The following PLBD1 variants were observed in gnomAD, a reference collection of about 807,000 sequenced individuals.
PLBD1 encodes the protein lysosomal leucine aminopeptidase.
A neutral mutation model predicts 63.0 loss-of-function variants in PLBD1; 60 were observed. The ratio of observed to expected loss-of-function variants is 0.95; its 90% CI spans 0.77 to 1.18. PLBD1 has a LOEUF of 1.18. Ranked by LOEUF, PLBD1 falls within the 50% of genes most tolerant of loss-of-function variation. The probability of loss-of-function intolerance (pLI) is 0.00; values close to 1 mark genes in which losing one functional copy is unlikely to be tolerated. For missense variants in PLBD1, 598 were observed against 677.9 expected (o/e 0.88, Z 1.31); for synonymous variants, 262 against 248.0 (o/e 1.06, Z -0.53).
intron 2 of PLBD1, among the ~76,000 whole-genome samples, chr12:14,546,182 G>A (rs1945614776): frequency 6.6e-6 from 1 of 152,002 alleles, no homozygotes; most frequent in Non-Finnish European, 1.5e-5. Flanking sequence ...AGCCAGGCAT[G>A]GTGGCACATG....
At chr12:14,553,164 AG>A in intron 2 of PLBD1, 28 bp downstream of exon 2, 2 of 1,574,932 alleles carry the variant, frequency 1.3e-6, no homozygotes, top group Non-Finnish European at 1.7e-6. Flanking sequence ...GTTGCCTGGC[AG>A]TGGCTCTACC....
chr12:14,567,494 G>A, intron 1 of PLBD1, 88 bp downstream of exon 1: 2 of 1,384,552 alleles, frequency 1.4e-6, no homozygotes, highest in Non-Finnish European at 1.9e-6. Context: ...CCCGCTGGAC[G>A]TCAACTCGGC....
intron 6 of PLBD1, among the ~76,000 whole-genome samples, chr12:14,535,198 TCATTCATC>T (rs1414270468): frequency 1.3e-5 from 2 of 152,248 alleles, no homozygotes; most frequent in Non-Finnish European, 2.9e-5. Context: ...ACTTACACAT[TCATTCATC>T]CATTCATTTG....
At chr12:14,521,942 GA>G (rs756045431) in intron 6 of PLBD1, among the ~76,000 whole-genome samples, 4 of 151,802 alleles carry the variant, frequency 2.6e-5, no homozygotes, top group Non-Finnish European at 5.9e-5. Flanking sequence ...GAATTCAACA[GA>G]GATATCATTA....
intron 8 of PLBD1, among the ~76,000 whole-genome samples, chr12:14,509,113 G>A (rs985184865): frequency 1.3e-5 from 2 of 151,888 alleles, no homozygotes; most frequent in African/African-American, 4.8e-5. Context: ...TAACACTTAT[G>A]GGGTAGTATG....
intron 6 of PLBD1, among the ~76,000 whole-genome samples, chr12:14,526,939 T>A (rs1945420772): frequency 6.6e-6 from 1 of 152,040 alleles, no homozygotes; most frequent in Admixed American, 6.6e-5. Flanking sequence ...ACCATTGCAC[T>A]CCAGCCTTGG....
chr12:14,518,565 T>A (rs1310340158), intron 6 of PLBD1, among the ~76,000 whole-genome samples: 1 of 152,202 alleles, frequency 6.6e-6, no homozygotes, highest in African/African-American at 2.4e-5. Context: ...CTGTGATCTC[T>A]TAGGCAGCCC....
intron 2 of PLBD1, among the ~76,000 whole-genome samples, chr12:14,547,060 A>G (rs2136927815): frequency 6.6e-6 from 1 of 152,006 alleles, no homozygotes; most frequent in Non-Finnish European, 1.5e-5. Context: ...TTGTATTTTT[A>G]GTAGACATAG....
At chr12:14,506,489 A>C (rs1248102002) in intron 9 of PLBD1, among the ~76,000 whole-genome samples, 1 of 152,268 alleles carries the variant, frequency 6.6e-6, no homozygotes, top group African/African-American at 2.4e-5. Context: ...AACCTTACAC[A>C]GTGAAAAATG....
intron 2 of PLBD1, among the ~76,000 whole-genome samples, chr12:14,548,326 G>A (rs1945631011): frequency 6.6e-6 from 1 of 151,726 alleles, no homozygotes; most frequent in African/African-American, 2.4e-5. Context: ...GAGTGGTGGT[G>A]CATGCCTGTA....
intron 6 of PLBD1, among the ~76,000 whole-genome samples, chr12:14,522,728 TA>T (rs1193794261): frequency 6.6e-6 from 1 of 152,102 alleles, no homozygotes; most frequent in Non-Finnish European, 1.5e-5. Flanking sequence ...ATAAACATAA[TA>T]CATCATATTA....
chr12:14,564,852 G>A (rs1455156678), intron 1 of PLBD1, among the ~76,000 whole-genome samples: 2 of 152,142 alleles, frequency 1.3e-5, no homozygotes, highest in South Asian at 2.1e-4. Flanking sequence ...AACTGAAACT[G>A]ACTCCAATCA....
In PLBD1 at chr12:14,535,648, A is replaced by C; in HGVS notation, c.844+11T>G. 6 of 1,613,674 alleles carry C rather than the reference A, an allele frequency of 3.7e-6. No homozygotes were observed. Among genetic ancestry groups the C allele is most frequent in the Non-Finnish European group, 4.2e-6 (5 of 1,179,714 alleles). ...CTCAAAGTGCTCAGATGTTCCTTTA[A>C]ATTCATTTACCTGGGTAACTGCTGA... On this transcript the variant is annotated intron_variant, in intron 6 of 10. Coordinates refer to ENST00000240617, the MANE Select transcript of PLBD1 (RefSeq NM_024829.6).
chr12:14,536,801 C>A, intron 4 of PLBD1, 91 bp from the exon 5 acceptor site: 1 of 1,513,264 alleles, frequency 6.6e-7, no homozygotes, highest in Non-Finnish European at 9.0e-7. Context: ...AAATTATTCC[C>A]TTGCAGGCTG....
At chr12:14,539,957 C>CAT (rs1945552880) in intron 4 of PLBD1, among the ~76,000 whole-genome samples, 1 of 135,360 alleles carries the variant, frequency 7.4e-6, no homozygotes, top group South Asian at 2.3e-4. Context: ...TATACATATA[C>CAT]ATATATATAC....
rs765841166 is a variant in PLBD1 at position 14,536,566 on chromosome 12, T to C, written c.699+4A>G. On this transcript the variant is annotated splice_donor_region_variant and intron_variant, in intron 5 of 10. Coordinates refer to ENST00000240617, the MANE Select transcript of PLBD1 (RefSeq NM_024829.6). ...ACAAGGCAAAAGGAGCTGCTATGTC[T>C]TACCTTGATAAGAGCGGAGCAATGT... is the stretch of plus-strand genomic sequence containing the variant. 2.5e-6 allele frequency: 4 copies of C among 1,613,954 alleles called. No homozygotes were observed. The highest frequency in any genetic ancestry group is 3.4e-6 in the Non-Finnish European group (4 of 1,179,896).
intron 8 of PLBD1, among the ~76,000 whole-genome samples, chr12:14,507,965 C>G (rs950296431): frequency 6.6e-6 from 1 of 152,222 alleles, no homozygotes; most frequent in Non-Finnish European, 1.5e-5. Flanking sequence ...CTCCCACCTC[C>G]ACATTCTCTC....
intron 1 of PLBD1, among the ~76,000 whole-genome samples, chr12:14,561,742 G>C (rs1024374491): frequency 6.6e-6 from 1 of 152,148 alleles, no homozygotes; most frequent in Non-Finnish European, 1.5e-5. Flanking sequence ...TTTTAGCAGA[G>C]ACGGGGTTTG....
At chr12:14,550,035 C>T (rs1402304410) in intron 2 of PLBD1, among the ~76,000 whole-genome samples, 2 of 152,144 alleles carry the variant, frequency 1.3e-5, no homozygotes, top group Non-Finnish European at 2.9e-5. Context: ...TACTCTGTTC[C>T]ATTACATTCT....
Sources: allele counts gnomAD v4.1 joint callset (sites outside exome capture counted in the v4.1 genomes callset), GRCh38; gene constraint gnomAD v4.1.1; transcripts MANE v1.5; gene names NCBI Gene and HGNC (gene_info 2026-07-23, HGNC 2026-07-21).